The following TUSC3 variants were observed in gnomAD, a reference collection of about 807,000 sequenced individuals.
TUSC3 encodes tumor suppressor candidate 3, also known as dolichyl-diphosphooligosaccharide--protein glycosyltransferase subunit TUSC3.
A neutral mutation model predicts 44.8 loss-of-function variants in TUSC3; 45 were observed. The observed-to-expected ratio is 1.00, with a 90% CI of 0.79 to 1.29. TUSC3 has a LOEUF of 1.29. Ranked by LOEUF, TUSC3 falls within the 50% of genes most tolerant of loss-of-function variation. TUSC3 has a pLI of 0.00. For synonymous variants in TUSC3, 212 were observed against 152.9 expected, an observed-to-expected ratio of 1.39 and a Z score of -2.85; for missense variants, 519 against 437.9, an observed-to-expected ratio of 1.19 and a Z score of -1.65.
chr8:15,487,309 A>G (rs1800746114), intron 2 of TUSC3, among the ~76,000 whole-genome samples: 1 of 152,174 alleles, frequency 6.6e-6, no homozygotes. Context: ...TCTTGAGAGC[A>G]AGATTTGTCT....
chr8:15,695,284 C>T (rs1228622370), intron 6 of TUSC3, among the ~76,000 whole-genome samples: 1 of 152,146 alleles, frequency 6.6e-6, no homozygotes, highest in Non-Finnish European at 1.5e-5. Flanking sequence ...CTTTATCATG[C>T]TTATTCTCAT....
intron 2 of TUSC3, among the ~76,000 whole-genome samples, chr8:15,530,226 C>G (rs562199277): frequency 6.6e-6 from 1 of 152,020 alleles, no homozygotes; most frequent in African/African-American, 2.4e-5. Context: ...CACTGATCTG[C>G]TTGCTTCTCT....
intron 2 of TUSC3, among the ~76,000 whole-genome samples, chr8:15,488,323 T>C (rs1406204581): frequency 6.7e-6 from 1 of 149,812 alleles, no homozygotes; most frequent in East Asian, 2.0e-4. Context: ...ATAGACCCCA[T>C]CTCTACCAAA....
the TUSC3 span, among the ~76,000 whole-genome samples, chr8:15,793,183 C>G: frequency 5.3e-5 from 8 of 152,088 alleles, no homozygotes; most frequent in African/African-American, 1.9e-4. Context: ...TCTCCTGTCT[C>G]TCTCATAGTT....
Position 15,457,840 on chromosome 8 carries a change from AT to A in TUSC3, n.92-25544del, listed in dbSNP as rs1800279094. Among the ~76,000 whole-genome samples, 7 of 136,620 alleles carry A rather than the reference AT, an allele frequency of 5.1e-5. No homozygotes were observed. The South Asian group carries it at 1.4e-3, about 27-fold the overall frequency. 89.6% of individuals were successfully genotyped at this position (136,620 alleles called of 152,430 possible). A position where few individuals can be genotyped will look rare whatever the true frequency, so the allele number is the denominator to read the frequency against. On this transcript the variant is annotated intron_variant and non_coding_transcript_variant, in intron 1 of 5. Coordinates refer to the TUSC3 transcript ENST00000503191. The stretch of plus-strand genomic sequence containing the variant: ...AGATAATTAATTATTAATAAATTAG[AT>A]TAATTATCTAATAATTATCTAATAA...
intron 2 of TUSC3, among the ~76,000 whole-genome samples, chr8:15,650,088 T>G (rs577673584): frequency 1.3e-5 from 2 of 152,206 alleles, no homozygotes; most frequent in East Asian, 3.8e-4. Flanking sequence ...AATATCATCT[T>G]AGAGAAGGAA....
intron 2 of TUSC3, among the ~76,000 whole-genome samples, chr8:15,534,210 T>C (rs1278648037): frequency 6.6e-6 from 1 of 152,166 alleles, no homozygotes; most frequent in East Asian, 1.9e-4. Flanking sequence ...AAGATCTTAG[T>C]TGCAAGATAA....
Position 15,638,366 on chromosome 8 carries a change from C to T in TUSC3, c.309-12331C>T, listed in dbSNP as rs567932076. Among the ~76,000 whole-genome samples the T allele has an allele frequency of 9.2e-5, 14 of 152,136 alleles. No homozygotes were observed. The East Asian group carries it at 2.7e-3, about 29-fold the overall frequency. ...AGTTTTGATTATGCTTTTTGGAGAACTACATGGTTTTTGGAGTTCTTTGTT... is the reference window on the plus strand; with the variant it reads ...AGTTTTGATTATGCTTTTTGGAGAATTACATGGTTTTTGGAGTTCTTTGTT... On this transcript the variant is annotated intron_variant, in intron 2 of 10. Coordinates refer to ENST00000503731, the MANE Select transcript of TUSC3 (RefSeq NM_006765.4).
At chr8:15,837,416 C>T in the TUSC3 span, among the ~76,000 whole-genome samples, 4 of 151,960 alleles carry the variant, frequency 2.6e-5, no homozygotes, top group Admixed American at 1.3e-4. Context: ...ACTAATTATA[C>T]GTACATTGGA....
chr8:15,809,752 A>C, the TUSC3 span, among the ~76,000 whole-genome samples: 6 of 152,186 alleles, frequency 3.9e-5, no homozygotes, highest in African/African-American at 1.4e-4. Context: ...AACTGTAGCA[A>C]GTGCAACCAC....
intron 1 of TUSC3, among the ~76,000 whole-genome samples, chr8:15,478,344 C>T (rs1585059427): frequency 1.3e-5 from 2 of 152,060 alleles, no homozygotes; most frequent in South Asian, 2.1e-4. Context: ...TATACGTGTG[C>T]CATGGTAGTT....
At chr8:15,607,467 G>C (rs1202760556) in intron 1 of TUSC3, among the ~76,000 whole-genome samples, 2 of 152,030 alleles carry the variant, frequency 1.3e-5, no homozygotes, top group African/African-American at 4.8e-5. Context: ...AAGCAAAATA[G>C]AAATAAAGAT....
intron 1 of TUSC3, among the ~76,000 whole-genome samples, chr8:15,551,819 C>G (rs1014199821): frequency 6.6e-6 from 1 of 151,706 alleles, no homozygotes; most frequent in African/African-American, 2.4e-5. Context: ...CTTCCCTTTT[C>G]TCTGTATCCC....
At chr8:15,646,704 C>T (rs1216346311) in intron 2 of TUSC3, among the ~76,000 whole-genome samples, 1 of 152,144 alleles carries the variant, frequency 6.6e-6, no homozygotes, top group Non-Finnish European at 1.5e-5. Flanking sequence ...GAGGCCCTTG[C>T]ACTCATCTGA....
chr8:15,513,953 C>T (rs1375157421), intron 2 of TUSC3, among the ~76,000 whole-genome samples: 1 of 152,146 alleles, frequency 6.6e-6, no homozygotes, highest in Non-Finnish European at 1.5e-5. Flanking sequence ...CCTCTTCCCA[C>T]CTTCATGCTC....
chr8:15,783,558 G>A, the TUSC3 span, among the ~76,000 whole-genome samples: 2 of 151,916 alleles, frequency 1.3e-5, no homozygotes, highest in African/African-American at 2.4e-5. Context: ...ACAGACTCTA[G>A]AAAAAAACCC....
chr8:15,704,221 G>T (rs973745037), intron 6 of TUSC3, among the ~76,000 whole-genome samples: 1 of 149,896 alleles, frequency 6.7e-6, no homozygotes, highest in Non-Finnish European at 1.5e-5. Flanking sequence ...GGAACAGCAA[G>T]TGCAAAGGCC....
chr8:15,466,118 A>G (rs961026204), intron 1 of TUSC3, among the ~76,000 whole-genome samples: 1 of 152,128 alleles, frequency 6.6e-6, no homozygotes, highest in African/African-American at 2.4e-5. Context: ...GATTATTTTT[A>G]CTGAAACAAA....
intron 1 of TUSC3, among the ~76,000 whole-genome samples, chr8:15,583,758 G>A (rs1007323121): frequency 4.6e-5 from 7 of 152,066 alleles, no homozygotes; most frequent in Non-Finnish European, 7.4e-5. Context: ...AATTAAAATG[G>A]ATTTTTTTTC....
Sources: gnomAD v4.1 joint callset for allele counts (sites outside exome capture counted in the v4.1 genomes callset) on GRCh38, gnomAD v4.1.1 for gene constraint, MANE v1.5 for transcripts, NCBI Gene and HGNC (gene_info 2026-07-23, HGNC 2026-07-21) for gene names.